Variants in NUP50 observed in about 807,000 individuals in gnomAD.
NUP50 encodes the protein nucleoporin 50, also known as nuclear pore complex protein Nup50.
Under a neutral mutation model 36.8 loss-of-function variants are expected in NUP50, and 14 were observed. The observed-to-expected ratio is 0.38, with a 90% CI of 0.25 to 0.59. NUP50 has a LOEUF of 0.59. Among genes scored for constraint, NUP50 ranks in the 20% least tolerant of loss-of-function variants. The probability of loss-of-function intolerance (pLI) is 0.63; values close to 1 mark genes in which losing one functional copy is unlikely to be tolerated. For synonymous variants in NUP50, 195 were observed against 210.8 expected (o/e 0.93, Z 0.65); for missense variants, 455 against 564.6 (o/e 0.81, Z 1.97).
At chr22:45,177,854 C>G (rs1423595896) in intron 4 of NUP50, 1 of 188,682 alleles carries the variant, frequency 5.3e-6, no homozygotes, top group Admixed American at 5.4e-5. Context: ...GTAGGTCGGG[C>G]GCAGTGGCTC....
intron 6 of NUP50, among the ~76,000 whole-genome samples, chr22:45,182,920 G>T (rs1022958929): frequency 1.3e-5 from 2 of 151,812 alleles, no homozygotes; most frequent in African/African-American, 4.8e-5. Flanking sequence ...ACCGCACCTG[G>T]TCGAGGAGAA....
At chr22:45,170,912 C>T (rs1017791715) in intron 2 of NUP50, 21 of 1,146,026 alleles carry the variant, frequency 1.8e-5, no homozygotes, top group East Asian at 6.1e-5. Context: ...TGTAGGAGCC[C>T]GTTAAGTTTA....
intron 2 of NUP50, chr22:45,170,867 TG>T: frequency 1.9e-6 from 1 of 531,530 alleles, no homozygotes; most frequent in Non-Finnish European, 3.0e-6. Context: ...ACATTTAACT[TG>T]GGGCAAGTGC....
chr22:45,178,310 A>C lies in NUP50; in HGVS notation c.413A>C (p.Gln138Pro), dbSNP rs1342682694. Reference protein sequence around the residue: ...VSNPKTNGDSQQPSSSGLASS... With the variant: ...VSNPKTNGDSPQPSSSGLASS... The stretch of plus-strand genomic sequence containing the variant: ...AATCCCAAAACTAATGGGGACAGTC[A>C]GCAGCCCTCCTCCTCTGGCCTTGCT... The change falls in exon 5 of 8, where the codon CAG becomes CCG. Residue 138 changes from glutamine to proline, a missense_variant. Coordinates refer to ENST00000347635, the MANE Select transcript of NUP50 (RefSeq NM_007172.4). 1 of 1,614,050 alleles carries C rather than the reference A, an allele frequency of 6.2e-7. No homozygotes were observed. The highest frequency in any genetic ancestry group is 8.5e-7 in the Non-Finnish European group (1 of 1,179,878).
At position 45,181,304 on chromosome 22, in the gene NUP50, A is replaced by G. The variant is rs757116280; in HGVS notation, c.1022A>G (p.Asn341Ser). 1 of 1,596,116 alleles carries G rather than the reference A, an allele frequency of 6.3e-7. No individual in the cohort carries two copies. Among genetic ancestry groups the G allele is most frequent in the Non-Finnish European group, 8.5e-7 (1 of 1,175,024 alleles). Reference sequence around the variant, plus strand: ...ATAAAAGGTGGAGATGAAGAAGAGAATGATGAGCCACCCAAAGTAGTAGTT... The same window carrying G: ...ATAAAAGGTGGAGATGAAGAAGAGAGTGATGAGCCACCCAAAGTAGTAGTT... Reference protein sequence around the residue: ...GECKGGDEEENDEPPKVVVTE... With the variant: ...GECKGGDEEESDEPPKVVVTE... The change falls in exon 6 of 8, where the codon AAT becomes AGT. Residue 341 changes from asparagine to serine, a missense_variant. Asn to Ser is a conservative substitution (Grantham distance 46). Transcript: ENST00000347635.
intron 5 of NUP50, 151 bp from the exon 6 acceptor site, chr22:45,181,135 T>TA (rs2074362976): frequency 3.7e-5 from 4 of 109,430 alleles, no homozygotes; most frequent in South Asian, 4.1e-4. Context: ...CCTTCTGGCA[T>TA]CCCCCCCCCC....
At chr22:45,170,647 G>T (rs1204818821) in intron 2 of NUP50, among the ~76,000 whole-genome samples, 1 of 152,016 alleles carries the variant, frequency 6.6e-6, no homozygotes, top group Non-Finnish European at 1.5e-5. Context: ...AACTGATTTG[G>T]TGCTTTTTAA....
intron 1 of NUP50, among the ~76,000 whole-genome samples, chr22:45,167,194 G>A (rs532917180): frequency 6.6e-6 from 1 of 152,282 alleles, no homozygotes; most frequent in East Asian, 1.9e-4. Context: ...GTTCAGGCAG[G>A]TTTAACAAGA....
chr22:45,173,064 T>G (rs933851831), intron 3 of NUP50, among the ~76,000 whole-genome samples: 1 of 152,182 alleles, frequency 6.6e-6, no homozygotes, highest in Admixed American at 6.5e-5. Context: ...TGAGAGGAGC[T>G]TCATTTCCTG....
At chr22:45,181,135 T>TTCCC (rs2074362976) in intron 5 of NUP50, 151 bp from the exon 6 acceptor site, 24 of 109,432 alleles carry the variant, frequency 2.2e-4, no homozygotes, top group South Asian at 8.1e-4. Context: ...CCTTCTGGCA[T>TTCCC]CCCCCCCCCC....
intron 6 of NUP50, 117 bp downstream of exon 6, chr22:45,181,484 C>T: frequency 3.9e-6 from 2 of 506,612 alleles, no homozygotes; most frequent in Non-Finnish European, 3.5e-6. Flanking sequence ...TCAAGCTTTG[C>T]CTGCTCTCAA....
intron 3 of NUP50, among the ~76,000 whole-genome samples, chr22:45,174,963 A>AT (rs757710052): frequency 0.066 from 9,615 of 146,328 alleles, 640 homozygotes; most frequent in African/African-American, 0.16. Flanking sequence ...TTCCAGTTTA[A>AT]TTTTTTTTTT....
rs773595309 is a variant in NUP50, at chr22:45,171,697, T to TA, written c.153+15dup. On this transcript the variant is annotated intron_variant, in intron 3 of 7. Coordinates refer to ENST00000347635, the MANE Select transcript of NUP50 (RefSeq NM_007172.4). ...GTTGGATTTGAAGTGAGTGCCCCCT[T>TA]ACAGCTCTTGCTATTAAATACTCAT... is the stretch of plus-strand genomic sequence containing the variant. The TA allele has an allele frequency of 1.2e-6, 2 of 1,608,164 alleles. No individual in the cohort carries two copies. The highest frequency in any genetic ancestry group is 1.6e-4 in the Middle Eastern group (1 of 6,076).
At chr22:45,184,410 A>G in intron 7 of NUP50, 43 bp from the exon 8 acceptor site, 4 of 1,553,576 alleles carry the variant, frequency 2.6e-6, no homozygotes, top group Non-Finnish European at 3.6e-6. Context: ...TGGTGGAGCT[A>G]TAGCTTCTAT....
At chr22:45,171,195 AAATTT>A in intron 2 of NUP50, 1 of 1,140,486 alleles carries the variant, frequency 8.8e-7, no homozygotes, top group Non-Finnish European at 1.1e-6. Context: ...ATAAATAACA[AAATTT>A]ATTTATTTAT....
chr22:45,183,389 T>C lies in NUP50; in HGVS notation c.1086-13T>C. On this transcript the variant is annotated splice_polypyrimidine_tract_variant and intron_variant, in intron 6 of 7. Transcript: ENST00000347635. ...CTTGAATGCTTGATGGTCCCTATTATTTTTCTCCATAGGTGTAAACTGTTT... is the reference window on the plus strand; with the variant it reads ...CTTGAATGCTTGATGGTCCCTATTACTTTTCTCCATAGGTGTAAACTGTTT... The C allele has an allele frequency of 2.0e-6, 3 of 1,487,822 alleles. No individual in the cohort carries two copies. Among genetic ancestry groups the C allele is most frequent in the Non-Finnish European group, 2.8e-6 (3 of 1,068,446 alleles). 92.2% of individuals were successfully genotyped at this position (1,487,822 alleles called of 1,614,324 possible). A position where few individuals can be genotyped will look rare whatever the true frequency, so the allele number is the denominator to read the frequency against.
intron 6 of NUP50, among the ~76,000 whole-genome samples, chr22:45,182,572 A>AATTTATTTAAAAATGT (rs2074390338): frequency 6.6e-6 from 1 of 150,968 alleles, no homozygotes; most frequent in Middle Eastern, 3.4e-3. Context: ...ATGTTTTCCA[A>AATTTATTTAAAAATGT]ATTTATTTAA....
intron 1 of NUP50, among the ~76,000 whole-genome samples, chr22:45,167,174 T>C (rs1369002743): frequency 6.6e-6 from 1 of 152,034 alleles, no homozygotes; most frequent in Non-Finnish European, 1.5e-5. Flanking sequence ...GGGGAGAGTA[T>C]CACGAAGGAG....
Position 45,176,091 on chromosome 22 carries a change from C to T in NUP50, c.340+11C>T. On this transcript the variant is annotated intron_variant, in intron 4 of 7. Transcript: ENST00000347635. ...CCAAGGTAGCCTTTGGTAAGTAGCTCCCATCCCCCAGCCGCCTGTGTAAGT... is the reference window on the plus strand; with the variant it reads ...CCAAGGTAGCCTTTGGTAAGTAGCTTCCATCCCCCAGCCGCCTGTGTAAGT... 6.2e-7 allele frequency: 1 copy of T among 1,611,396 alleles called. No individual in the cohort carries two copies. Among genetic ancestry groups the T allele is most frequent in the Non-Finnish European group, 8.5e-7 (1 of 1,178,148 alleles).
Sources: allele counts gnomAD v4.1 joint callset (sites outside exome capture counted in the v4.1 genomes callset), GRCh38; gene constraint gnomAD v4.1.1; transcripts MANE v1.5; gene names NCBI Gene and HGNC (gene_info 2026-07-23, HGNC 2026-07-21).